The following BCR variants were observed in gnomAD, a reference collection of about 807,000 sequenced individuals.
BCR encodes the protein BCR activator of RhoGEF and GTPase, also known as breakpoint cluster region protein.
A neutral mutation model predicts 138.6 loss-of-function variants in BCR; 58 were observed. The observed-to-expected ratio is 0.42, with a 90% CI of 0.34 to 0.52. The LOEUF (loss-of-function observed/expected upper bound fraction) is 0.52. BCR is among the 20% of genes least tolerant of loss of function. The pLI is 0.06. For synonymous variants in BCR, 786 were observed against 730.1 expected, an observed-to-expected ratio of 1.08 and a Z score of -1.23; for missense variants, 1,599 against 1,727.2, an observed-to-expected ratio of 0.93 and a Z score of 1.32.
chr22:23,309,653 C>A (rs1389943452), intron 17 of BCR, 170 bp downstream of exon 17: 12 of 608,318 alleles, frequency 2.0e-5, no homozygotes, highest in African/African-American at 1.7e-4. Context: ...CGGGAATCGT[C>A]ATTCATTGGC....
chr22:23,284,555 AG>A (rs1692771018), intron 9 of BCR, among the ~76,000 whole-genome samples: 1 of 152,198 alleles, frequency 6.6e-6, no homozygotes, highest in African/African-American at 2.4e-5. Flanking sequence ...CACACTGGGA[AG>A]GACCAGCACG....
At position 23,315,902 on chromosome 22, in the gene BCR, G is replaced by A. The variant is rs1455057014; in HGVS notation, c.*380G>A. The A allele has an allele frequency of 2.4e-6, 1 of 421,970 alleles. No homozygotes were observed. Among genetic ancestry groups the A allele is most frequent in the Non-Finnish European group, 4.5e-6 (1 of 221,986 alleles). 26.1% of individuals were successfully genotyped at this position (421,970 alleles called of 1,614,324 possible). On this transcript the variant is annotated 3_prime_UTR_variant, in exon 23 of 23. Coordinates refer to ENST00000305877, the MANE Select transcript of BCR (RefSeq NM_004327.4). ...GCGCCCTCTCTGGGGAGAAGGGAAC[G>A]TGACTGGATTCCCTCACTGTTGTAT...
intron 1 of BCR, among the ~76,000 whole-genome samples, chr22:23,227,673 G>A (rs1196138248): frequency 2.6e-5 from 4 of 152,342 alleles, no homozygotes; most frequent in Admixed American, 1.3e-4. Context: ...TCTCTCTCCT[G>A]TCACATCAGA....
At chr22:23,224,797 G>T (rs910907525) in intron 1 of BCR, among the ~76,000 whole-genome samples, 2 of 152,048 alleles carry the variant, frequency 1.3e-5, no homozygotes, top group Non-Finnish European at 2.9e-5. Flanking sequence ...CAGGATAATC[G>T]CTTGAACCCA....
chr22:23,281,477 G>A (rs1167411101), intron 8 of BCR, among the ~76,000 whole-genome samples: 1 of 152,250 alleles, frequency 6.6e-6, no homozygotes, highest in Non-Finnish European at 1.5e-5. Context: ...GCTGCTGAGC[G>A]CTTCCGAGAG....
intron 1 of BCR, among the ~76,000 whole-genome samples, chr22:23,246,109 C>T (rs2073154765): frequency 6.6e-6 from 1 of 152,138 alleles, no homozygotes; most frequent in Non-Finnish European, 1.5e-5. Flanking sequence ...CGTGTTGTAG[C>T]ATGTGACAGA....
chr22:23,263,872 C>T lies in BCR; in HGVS notation c.1752+2332C>T, dbSNP rs796208302. Reference sequence around the variant, plus strand: ...ACTGAAGACCAAATCTGGTCTGTTGCTATCAGGCCATTACTCAGCTCTTTT... The same window carrying T: ...ACTGAAGACCAAATCTGGTCTGTTGTTATCAGGCCATTACTCAGCTCTTTT... On this transcript the variant is annotated intron_variant, in intron 4 of 22. Coordinates refer to ENST00000305877, the MANE Select transcript of BCR (RefSeq NM_004327.4). 8.7e-5 allele frequency: 84 copies of T among 962,580 alleles called. No homozygotes were observed. The African/African-American group carries it at 1.1e-3, about 13-fold the overall frequency. 59.6% of individuals were successfully genotyped at this position (962,580 alleles called of 1,614,324 possible).
intron 1 of BCR, among the ~76,000 whole-genome samples, chr22:23,201,097 G>A (rs2072548343): frequency 6.6e-6 from 1 of 152,262 alleles, no homozygotes; most frequent in Non-Finnish European, 1.5e-5. Context: ...CAGAGGCCAA[G>A]GGCAGCAGGT....
chr22:23,209,333 T>A (rs1038636488), intron 1 of BCR, among the ~76,000 whole-genome samples: 7 of 151,746 alleles, frequency 4.6e-5, no homozygotes, highest in African/African-American at 1.7e-4. Context: ...GCACTCCAGC[T>A]TGGGCTACAG....
intron 2 of BCR, 151 bp from the exon 3 acceptor site, chr22:23,260,799 T>C (rs990277047): frequency 1.8e-5 from 13 of 721,744 alleles, no homozygotes; most frequent in Non-Finnish European, 3.2e-5. Context: ...GTGCGGAGGG[T>C]CCCCTGCCTC....
intron 8 of BCR, among the ~76,000 whole-genome samples, chr22:23,275,844 C>T (rs1005250407): frequency 6.6e-6 from 1 of 152,186 alleles, no homozygotes; most frequent in East Asian, 1.9e-4. Context: ...TGAGTGTGGG[C>T]GTCCTTTTTC....
intron 16 of BCR, among the ~76,000 whole-genome samples, chr22:23,295,553 G>A (rs1172006262): frequency 6.6e-6 from 1 of 151,990 alleles, no homozygotes; most frequent in African/African-American, 2.4e-5. Context: ...CAAGCACAGG[G>A]GTCCCAGAGG....
intron 1 of BCR, among the ~76,000 whole-genome samples, chr22:23,220,489 A>G (rs2072812018): frequency 6.6e-6 from 1 of 152,158 alleles, no homozygotes; most frequent in Non-Finnish European, 1.5e-5. Context: ...GAAGTGCTGA[A>G]AACATGGGAA....
At chr22:23,298,606 T>C (rs1421375521) in intron 16 of BCR, among the ~76,000 whole-genome samples, 1 of 151,966 alleles carries the variant, frequency 6.6e-6, no homozygotes. Context: ...CCTTTTGCCT[T>C]TCCTTCTTCT....
rs185592841 is a variant in BCR, at chr22:23,198,189, G to T, written c.1279+15950G>T. 38 of 386,292 alleles carry T rather than the reference G, an allele frequency of 9.8e-5. 1 individual carries two copies. The East Asian group carries it at 3.1e-3, about 32-fold the overall frequency. The allele number at this position is 386,292 out of a possible 1,614,324, so 23.9% of individuals were successfully genotyped here. On this transcript the variant is annotated intron_variant, in intron 1 of 22. Transcript: ENST00000305877. ...ATAGGAGAGACCAGAGCACTAAATTGGACCACAGTGTCCAGCATTCTGGCA... is the reference window on the plus strand; with the variant it reads ...ATAGGAGAGACCAGAGCACTAAATTTGACCACAGTGTCCAGCATTCTGGCA...
intron 1 of BCR, among the ~76,000 whole-genome samples, chr22:23,195,187 G>A (rs1019845864): frequency 1.3e-5 from 2 of 151,808 alleles, no homozygotes; most frequent in Admixed American, 6.6e-5. Context: ...TTGGGAGGCC[G>A]AGGCAGGCGG....
In BCR at chr22:23,182,040, C is replaced by T. The variant is rs1171483363; in HGVS notation, c.1080C>T (p.Tyr360=). The T allele has an allele frequency of 6.2e-6, 10 of 1,613,534 alleles. No homozygotes were observed. Among genetic ancestry groups the T allele is most frequent in the African/African-American group, 2.7e-5 (2 of 74,958 alleles). The change falls in exon 1 of 23, where the codon TAC becomes TAT. Residue 360 remains tyrosine (Y), a synonymous_variant. Coordinates refer to ENST00000305877, the MANE Select transcript of BCR (RefSeq NM_004327.4). The part of the protein sequence containing the change: ...SSRVSPSPTT[Y]RMFRDKSRSP... The stretch of plus-strand genomic sequence containing the variant: ...GCGTGTCCCCAAGCCCCACCACCTA[C>T]CGCATGTTCCGGGACAAAAGCCGCT...
In BCR at chr22:23,275,934, C is replaced by G. The variant is rs796645758; in HGVS notation, c.2115+2160C>G. ...ATTCCTAGAGACAAGGAAGGGCCTT[C>G]TCAGTGCTCGGATCATTGGAATCCA... is the stretch of plus-strand genomic sequence containing the variant. On this transcript the variant is annotated intron_variant, in intron 8 of 22. Transcript: ENST00000305877. 1.4e-4 allele frequency among the ~76,000 whole-genome samples: 22 copies of G among 152,312 alleles called. 1 individual carries two copies. The highest frequency in any genetic ancestry group is 5.1e-4 in the African/African-American group (21 of 41,558).
intron 1 of BCR, among the ~76,000 whole-genome samples, chr22:23,212,754 A>G (rs2072701340): frequency 6.6e-6 from 1 of 152,242 alleles, no homozygotes; most frequent in Admixed American, 6.5e-5. Context: ...TGGAGAGGGC[A>G]TTTATGACTC....
Sources: allele counts gnomAD v4.1 joint callset (sites outside exome capture counted in the v4.1 genomes callset), GRCh38; gene constraint gnomAD v4.1.1; transcripts MANE v1.5; gene names NCBI Gene and HGNC (gene_info 2026-07-23, HGNC 2026-07-21).